The following IL1RAPL2 variants were observed in gnomAD, a reference collection of about 807,000 sequenced individuals.
IL1RAPL2 encodes the protein interleukin 1 receptor accessory protein like 2.
Under a neutral mutation model 44.1 loss-of-function variants are expected in IL1RAPL2, and 3 were observed. The observed-to-expected ratio is 0.07, with a 90% CI of 0.03 to 0.18. The LOEUF is 0.18. IL1RAPL2 is among the 10% of genes least tolerant of loss of function. The pLI is 1.00. For synonymous variants in IL1RAPL2, 181 were observed against 178.8 expected (o/e 1.01, Z -0.10); for missense variants, 391 against 496.4 (o/e 0.79, Z 2.02).
chrX:104,712,216 T>C (rs1159834955), intron 2 of IL1RAPL2, among the ~76,000 whole-genome samples: 1 of 110,842 alleles, frequency 9.0e-6, no homozygotes, highest in Non-Finnish European at 1.9e-5. Context: ...AACTCTCCCT[T>C]TTCCCTGGAG....
chrX:105,234,075 A>AT (rs201311761), intron 4 of IL1RAPL2, 71 bp downstream of exon 4: 16,463 of 846,285 alleles, frequency 0.019, 162 homozygotes, highest in Middle Eastern at 0.051. Context: ...GGAAAGGGAG[A>AT]TTTTTTTACT....
At chrX:104,596,691 C>T (rs1034108908) in intron 1 of IL1RAPL2, among the ~76,000 whole-genome samples, 3 of 111,453 alleles carry the variant, frequency 2.7e-5, no homozygotes, top group African/African-American at 9.8e-5. Flanking sequence ...GTTATTGTCC[C>T]CTTCTCTTGA....
chrX:105,038,573 T>C lies in IL1RAPL2; in HGVS notation c.83-156902T>C, dbSNP rs147044311. 8.8e-3 allele frequency among the ~76,000 whole-genome samples: 973 copies of C among 110,093 alleles called. 2 individuals carry two copies. The highest frequency in any genetic ancestry group is 0.012 in the Non-Finnish European group (653 of 52,613). ...TTAACTTTGATTTTAGATTAAGGAGTATATGTGCAGGTTTGCTATATAGAT... is the reference window on the plus strand; with the variant it reads ...TTAACTTTGATTTTAGATTAAGGAGCATATGTGCAGGTTTGCTATATAGAT... On this transcript the variant is annotated intron_variant, in intron 2 of 10. Coordinates refer to ENST00000372582, the MANE Select transcript of IL1RAPL2 (RefSeq NM_017416.2).
At position 105,100,559 on chromosome X, in the gene IL1RAPL2, TTTAC is replaced by T. The variant is rs773152183; in HGVS notation, c.83-94913_83-94910del. On this transcript the variant is annotated intron_variant, in intron 2 of 10. Coordinates refer to ENST00000372582, the MANE Select transcript of IL1RAPL2 (RefSeq NM_017416.2). ...AAAGCTCAGCTTCCTTTATGCTTAT[TTTAC>T]TTGGTGAGAACTAGTTCTCATTGAA... is the stretch of plus-strand genomic sequence containing the variant. Among the ~76,000 whole-genome samples, 14 of 111,482 alleles carry T rather than the reference TTTAC, an allele frequency of 1.3e-4. No homozygotes were observed. The East Asian group carries it at 4.0e-3, about 32-fold the overall frequency.
intron 6 of IL1RAPL2, among the ~76,000 whole-genome samples, chrX:105,613,106 A>G (rs1398319475): frequency 9.0e-6 from 1 of 111,651 alleles, no homozygotes; most frequent in Non-Finnish European, 1.9e-5. Flanking sequence ...ACTTGAGGAG[A>G]GGAGAAGGAA....
At chrX:104,741,664 C>T (rs1462525219) in intron 2 of IL1RAPL2, among the ~76,000 whole-genome samples, 1 of 110,456 alleles carries the variant, frequency 9.1e-6, no homozygotes, top group Admixed American at 9.7e-5. Flanking sequence ...AACATGTCAA[C>T]CAGAGAGCAA....
intron 2 of IL1RAPL2, among the ~76,000 whole-genome samples, chrX:105,104,651 A>G (rs910686728): frequency 4.5e-5 from 5 of 112,041 alleles, no homozygotes; most frequent in African/African-American, 1.6e-4. Flanking sequence ...TCATTCATTT[A>G]TTCATTTAAC....
intron 2 of IL1RAPL2, among the ~76,000 whole-genome samples, chrX:104,749,235 C>T (rs769265734): frequency 1.8e-5 from 2 of 110,866 alleles, no homozygotes; most frequent in Non-Finnish European, 3.8e-5. Context: ...GACCAGGTCA[C>T]CAGCAGAGAT....
At chrX:104,838,856 T>C (rs1921822406) in intron 2 of IL1RAPL2, among the ~76,000 whole-genome samples, 1 of 90,496 alleles carries the variant, frequency 1.1e-5, no homozygotes, top group African/African-American at 4.1e-5. Flanking sequence ...TCTTTTTTTT[T>C]TTTTTTTTTT....
intron 1 of IL1RAPL2, among the ~76,000 whole-genome samples, chrX:104,574,073 T>TAA (rs746436809): frequency 3.6e-5 from 4 of 111,854 alleles, no homozygotes; most frequent in Non-Finnish European, 5.7e-5. Flanking sequence ...TATTTTATGA[T>TAA]ATGTTTATAG....
intron 3 of IL1RAPL2, among the ~76,000 whole-genome samples, chrX:105,201,031 A>G: frequency 9.0e-6 from 1 of 111,674 alleles, no homozygotes; most frequent in East Asian, 2.8e-4. Flanking sequence ...CAAAATTATT[A>G]TGACCATTTA....
At chrX:104,756,125 T>C (rs904729755) in intron 2 of IL1RAPL2, among the ~76,000 whole-genome samples, 1 of 111,145 alleles carries the variant, frequency 9.0e-6, no homozygotes, top group Non-Finnish European at 1.9e-5. Context: ...TCCCTAATAT[T>C]CATCCACTGG....
chrX:105,081,488 T>G (rs1225420600), intron 2 of IL1RAPL2, among the ~76,000 whole-genome samples: 1 of 111,830 alleles, frequency 8.9e-6, no homozygotes, highest in East Asian at 2.8e-4. Flanking sequence ...TGTTTCTTGC[T>G]TTACCTCAAC....
At chrX:104,982,146 G>A (rs942609856) in intron 2 of IL1RAPL2, among the ~76,000 whole-genome samples, 17 of 110,531 alleles carry the variant, frequency 1.5e-4, no homozygotes, top group African/African-American at 4.9e-4. Flanking sequence ...AACCTAAAAG[G>A]TAGAAAGAAA....
chrX:104,888,250 G>A (rs748732856), intron 2 of IL1RAPL2, among the ~76,000 whole-genome samples: 1 of 98,776 alleles, frequency 1.0e-5, no homozygotes, highest in African/African-American at 4.9e-5. Context: ...GAGAGAGAGA[G>A]AGAGAGAGAG....
At chrX:104,775,879 G>A (rs1397328349) in intron 2 of IL1RAPL2, among the ~76,000 whole-genome samples, 1 of 110,023 alleles carries the variant, frequency 9.1e-6, no homozygotes, top group Non-Finnish European at 1.9e-5. Flanking sequence ...GAGAGGGAGA[G>A]GGTAAGTGGG....
intron 4 of IL1RAPL2, among the ~76,000 whole-genome samples, chrX:105,248,113 A>AT (rs932169140): frequency 9.1e-6 from 1 of 110,258 alleles, no homozygotes; most frequent in Non-Finnish European, 1.9e-5. Context: ...ATATTTATGC[A>AT]TTTTTTTTCT....
intron 1 of IL1RAPL2, among the ~76,000 whole-genome samples, chrX:104,612,542 G>A (rs771055943): frequency 3.6e-5 from 4 of 111,684 alleles, no homozygotes; most frequent in Admixed American, 1.9e-4. Flanking sequence ...TTATGGGTCT[G>A]TTTTTGTACC....
chrX:104,838,847 CTTTT>C (rs3086025), intron 2 of IL1RAPL2, among the ~76,000 whole-genome samples: 981 of 36,138 alleles, frequency 0.027, 5 homozygotes, highest in African/African-American at 0.083. Flanking sequence ...TTCTTTCTTT[CTTTT>C]TTTTTTTTTT....
Sources: gnomAD v4.1 joint callset for allele counts (sites outside exome capture counted in the v4.1 genomes callset) on GRCh38, gnomAD v4.1.1 for gene constraint, MANE v1.5 for transcripts, NCBI Gene and HGNC (gene_info 2026-07-23, HGNC 2026-07-21) for gene names.